DMD: variants seen among roughly 807,000 people sequenced by gnomAD.
The protein encoded by DMD is mutant dystrophin.
Under a neutral mutation model 330.1 loss-of-function variants are expected in DMD, and 63 were observed. That is an observed-to-expected ratio of 0.19 (90% confidence interval 0.16 to 0.24). DMD has a LOEUF of 0.24. Ranked by LOEUF, DMD falls within the 10% of genes least tolerant of loss-of-function variation. DMD has a pLI of 1.00. For synonymous variants in DMD, 1,223 were observed against 959.8 expected, an observed-to-expected ratio of 1.27 and a Z score of -5.07; for missense variants, 3,344 against 2,684.1, an observed-to-expected ratio of 1.25 and a Z score of -5.43.
intron 9 of DMD, among the ~76,000 whole-genome samples, chrX:32,693,522 C>T (rs1403690922): frequency 3.6e-5 from 4 of 111,724 alleles, no homozygotes. Context: ...TCACTGCAAC[C>T]TCCACCTCCT....
intron 23 of DMD, 119 bp downstream of exon 23, chrX:32,468,379 T>C: frequency 1.6e-6 from 1 of 617,612 alleles, no homozygotes; most frequent in Non-Finnish European, 2.6e-6. Context: ...TTTCATCTTC[T>C]CACTAACTTT....
chrX:31,441,894 T>C (rs965676177), intron 60 of DMD, among the ~76,000 whole-genome samples: 3 of 112,243 alleles, frequency 2.7e-5, no homozygotes, highest in African/African-American at 9.7e-5. Flanking sequence ...TGGAACTAAC[T>C]TGACTCGGTT....
Position 32,545,225 on chromosome X carries a change from T to C in DMD, c.2102A>G (p.Glu701Gly). Residue 701 changes from glutamate to glycine, a missense_variant, in exon 17 of 79, where the codon GAG becomes GGG. Glu to Gly is a moderately conservative substitution (Grantham distance 98, BLOSUM62 -2). Transcript: ENST00000357033. ...REQILVKHAQ[E>G]ELPPPPPQKK... is the part of the protein sequence containing the mutation. Reference sequence around the variant, plus strand: ...TTGGGGAGGTGGTGGTGGAAGTTCCTCTTGAGCATGCTTTACCAGGATCTG... The same window carrying C: ...TTGGGGAGGTGGTGGTGGAAGTTCCCCTTGAGCATGCTTTACCAGGATCTG... 1 of 1,210,958 alleles carries C rather than the reference T, an allele frequency of 8.3e-7. No homozygotes were observed. The highest frequency in any genetic ancestry group is 1.1e-6 in the Non-Finnish European group (1 of 894,708).
At chrX:33,314,320 C>T (rs1370293834) in intron 1 of DMD, among the ~76,000 whole-genome samples, 1 of 108,956 alleles carries the variant, frequency 9.2e-6, no homozygotes, top group East Asian at 2.9e-4. Flanking sequence ...TGTGGTGGCA[C>T]GATCTCGGCT....
intron 2 of DMD, among the ~76,000 whole-genome samples, chrX:32,887,621 G>A (rs181328842): frequency 4.7e-5 from 5 of 106,029 alleles, no homozygotes; most frequent in Admixed American, 3.1e-4. Context: ...TGTGGTGAGC[G>A]CCTGTAGTCC....
intron 44 of DMD, among the ~76,000 whole-genome samples, chrX:32,085,040 C>A (rs1300611680): frequency 9.0e-6 from 1 of 111,154 alleles, no homozygotes; most frequent in Non-Finnish European, 1.9e-5. Context: ...GGTTATCATG[C>A]TGACTGTACA....
At chrX:31,708,270 T>C (rs1178715646) in intron 52 of DMD, among the ~76,000 whole-genome samples, 1 of 111,725 alleles carries the variant, frequency 9.0e-6, no homozygotes, top group Non-Finnish European at 1.9e-5. Flanking sequence ...CAACAGATAA[T>C]GACACCCCAA....
At chrX:32,708,462 T>C (rs111311705) in intron 7 of DMD, among the ~76,000 whole-genome samples, 2 of 111,543 alleles carry the variant, frequency 1.8e-5, no homozygotes, top group Non-Finnish European at 3.8e-5. Context: ...TGAGTCATAT[T>C]AGTATCTTGC....
intron 54 of DMD, among the ~76,000 whole-genome samples, chrX:31,650,175 AAACTCTTGGCCTCTAGTGATCCTCCCAC>A (rs2080365208): frequency 9.8e-6 from 1 of 102,520 alleles, no homozygotes; most frequent in Non-Finnish European, 2.0e-5. Context: ...GGCTGGTCTC[AAACTCTTGGCCTCTAGTGATCCTCCCAC>A]CCCCACCTCG....
At chrX:33,074,202 G>A (rs192557305) in intron 1 of DMD, among the ~76,000 whole-genome samples, 269 of 111,533 alleles carry the variant, frequency 2.4e-3, no homozygotes, top group Non-Finnish European at 4.0e-3. Context: ...CAAACAGCGA[G>A]CTGTAACCAA....
At chrX:32,497,114 A>G (rs1166709429) in intron 19 of DMD, among the ~76,000 whole-genome samples, 1 of 112,020 alleles carries the variant, frequency 8.9e-6, no homozygotes, top group African/African-American at 3.2e-5. Context: ...CACCCATCTG[A>G]CAAAATCTGG....
chrX:31,263,308 G>A, intron 62 of DMD, among the ~76,000 whole-genome samples: 1 of 112,220 alleles, frequency 8.9e-6, no homozygotes, highest in African/African-American at 3.2e-5. Flanking sequence ...GGGAAACAGT[G>A]TGTACAATTT....
chrX:32,974,420 C>CTT (rs1211699593), intron 2 of DMD, among the ~76,000 whole-genome samples: 1 of 111,278 alleles, frequency 9.0e-6, no homozygotes, highest in Non-Finnish European at 1.9e-5. Flanking sequence ...GAATTGTACA[C>CTT]TTCTAGAGAG....
At chrX:31,478,076 A>C in intron 59 of DMD, 30 bp downstream of exon 59, 2 of 1,205,269 alleles carry the variant, frequency 1.7e-6, no homozygotes, top group South Asian at 3.6e-5. Context: ...AGTCTCTCAA[A>C]GGGCCCTGAA....
intron 60 of DMD, among the ~76,000 whole-genome samples, chrX:31,440,890 T>C (rs1482221249): frequency 8.9e-6 from 1 of 112,639 alleles, no homozygotes; most frequent in Non-Finnish European, 1.9e-5. Context: ...GAATTCTCTA[T>C]ACATTATGAT....
chrX:33,058,720 G>A (rs986528080), intron 1 of DMD, among the ~76,000 whole-genome samples: 3 of 111,269 alleles, frequency 2.7e-5, no homozygotes, highest in African/African-American at 6.5e-5. Context: ...AGCAATATTT[G>A]AGAGCTCCAG....
intron 7 of DMD, among the ~76,000 whole-genome samples, chrX:32,769,686 G>A (rs2073391366): frequency 9.0e-6 from 1 of 111,087 alleles, no homozygotes; most frequent in Non-Finnish European, 1.9e-5. Context: ...TCATGCCCTT[G>A]GAAAGATATA....
chrX:31,140,587 T>G (rs1190807613), intron 76 of DMD, among the ~76,000 whole-genome samples: 4 of 112,227 alleles, frequency 3.6e-5, no homozygotes, highest in African/African-American at 1.3e-4. Flanking sequence ...CACACATAAA[T>G]TCTGTGTGTA....
chrX:33,145,691 T>G (rs2047994193), intron 1 of DMD, among the ~76,000 whole-genome samples: 1 of 109,128 alleles, frequency 9.2e-6, no homozygotes, highest in Admixed American at 9.9e-5. Context: ...GCTGAACAAT[T>G]AGTGTTCTGT....
Sources: gnomAD v4.1 joint callset for allele counts (sites outside exome capture counted in the v4.1 genomes callset) on GRCh38, gnomAD v4.1.1 for gene constraint, MANE v1.5 for transcripts, NCBI Gene and HGNC (gene_info 2026-07-23, HGNC 2026-07-21) for gene names.